Variants in ANXA8 observed in about 807,000 individuals in gnomAD.
ANXA8 encodes VAC-beta.
In ANXA8, 9 loss-of-function variants were observed where a neutral mutation model predicts 26.8. The observed-to-expected ratio is 0.34, with a 90% confidence interval of 0.20 to 0.59. The LOEUF (loss-of-function observed/expected upper bound fraction) is 0.59, where lower values mean the gene tolerates loss of function less well. Ranked by LOEUF, ANXA8 falls within the 20% of genes least tolerant of loss-of-function variation. The pLI is 0.84. For synonymous variants in ANXA8, 39 were observed against 94.8 expected (o/e 0.41, Z 3.42); for missense variants, 83 against 238.5 (o/e 0.35, Z 4.29).
the ANXA8 span, among the ~76,000 whole-genome samples, chr10:47,533,185 T>TCACACACA: frequency 3.3e-3 from 342 of 102,404 alleles, 7 homozygotes; most frequent in East Asian, 0.015. Context: ...TAAACACACA[T>TCACACACA]CACACACACA....
chr10:47,989,685 A>G, the ANXA8 span, among the ~76,000 whole-genome samples: 1 of 92,906 alleles, frequency 1.1e-5, no homozygotes, highest in Non-Finnish European at 2.6e-5. Flanking sequence ...CTGTGACTAC[A>G]TCTATTAATA....
At chr10:47,724,633 T>C in the ANXA8 span, among the ~76,000 whole-genome samples, 1 of 141,632 alleles carries the variant, frequency 7.1e-6, no homozygotes, top group African/African-American at 2.6e-5. Context: ...GTGTGCTTAC[T>C]GTAATTTGTA....
At chr10:47,949,162 A>C in the ANXA8 span, among the ~76,000 whole-genome samples, 8 of 94,238 alleles carry the variant, frequency 8.5e-5, no homozygotes, top group Non-Finnish European at 1.2e-4. Context: ...CATATGTACA[A>C]AATTATATAT....
At chr10:47,953,155 GAAA>G in the ANXA8 span, among the ~76,000 whole-genome samples, 1 of 149,574 alleles carries the variant, frequency 6.7e-6, no homozygotes, top group Non-Finnish European at 1.5e-5. Flanking sequence ...ACACCATGAA[GAAA>G]ATGAAAGGGC....
the ANXA8 span, chr10:47,985,831 T>A: frequency 6.7e-6 from 1 of 150,276 alleles, no homozygotes; most frequent in Non-Finnish European, 1.5e-5. Flanking sequence ...ATAAATGGAA[T>A]CATACAATGT....
chr10:47,952,723 C>G, the ANXA8 span, among the ~76,000 whole-genome samples: 1 of 147,514 alleles, frequency 6.8e-6, no homozygotes, highest in Non-Finnish European at 1.5e-5. Context: ...GAGGACTTAT[C>G]TACTTTATTT....
At chr10:47,574,730 ATGTT>A in the ANXA8 span, among the ~76,000 whole-genome samples, 4 of 64,356 alleles carry the variant, frequency 6.2e-5, no homozygotes, top group Admixed American at 3.6e-4. Context: ...TATTTTTACT[ATGTT>A]TGAGAGGAGT....
chr10:47,649,676 G>A, the ANXA8 span, among the ~76,000 whole-genome samples: 22 of 150,318 alleles, frequency 1.5e-4, no homozygotes, highest in Non-Finnish European at 4.4e-5. Context: ...CAACGTGCTG[G>A]GATTACAGGC....
the ANXA8 span, among the ~76,000 whole-genome samples, chr10:47,549,068 T>G: frequency 7.1e-6 from 1 of 140,812 alleles, no homozygotes; most frequent in African/African-American, 2.6e-5. Flanking sequence ...ATCCTGTGAT[T>G]TGCTTTTAGA....
the ANXA8 span, among the ~76,000 whole-genome samples, chr10:47,533,394 G>A: frequency 6.6e-6 from 1 of 151,710 alleles, no homozygotes; most frequent in Non-Finnish European, 1.5e-5. Context: ...CCATCACCCT[G>A]TGATGTGGGA....
the ANXA8 span, chr10:47,565,110 C>T: frequency 5.3e-6 from 4 of 753,748 alleles, no homozygotes; most frequent in African/African-American, 6.9e-5. Flanking sequence ...CCGTCCATCT[C>T]GCCCAACTTC....
chr10:47,671,501 A>G, the ANXA8 span, among the ~76,000 whole-genome samples: 49 of 152,130 alleles, frequency 3.2e-4, no homozygotes, highest in African/African-American at 1.2e-3. Context: ...ATCCTATCTA[A>G]TATTTGAGAT....
At chr10:47,593,723 G>A in the ANXA8 span, among the ~76,000 whole-genome samples, 2 of 148,890 alleles carry the variant, frequency 1.3e-5, no homozygotes, top group Non-Finnish European at 2.9e-5. Flanking sequence ...TACTTTCAAA[G>A]AGAATAAAAA....
the ANXA8 span, among the ~76,000 whole-genome samples, chr10:47,974,682 A>C: frequency 6.8e-6 from 1 of 146,546 alleles, no homozygotes; most frequent in African/African-American, 2.5e-5. Context: ...AAGTTGTTTA[A>C]TATCCATGTA....
chr10:47,526,526 T>C, the ANXA8 span, among the ~76,000 whole-genome samples: 1 of 131,768 alleles, frequency 7.6e-6, no homozygotes, highest in Non-Finnish European at 1.5e-5. Flanking sequence ...TTTAGGCAGA[T>C]ACACAAACAA....
the ANXA8 span, among the ~76,000 whole-genome samples, chr10:47,595,946 A>G: frequency 6.7e-6 from 1 of 148,924 alleles, no homozygotes; most frequent in Non-Finnish European, 1.5e-5. Context: ...CTACCCAACA[A>G]CCACAATATA....
the ANXA8 span, among the ~76,000 whole-genome samples, chr10:47,939,073 T>C: frequency 1.4e-5 from 2 of 145,502 alleles, 1 homozygote; most frequent in Non-Finnish European, 3.0e-5. Context: ...TTCTCTTTGC[T>C]TCTCAGCTGA....
chr10:47,648,530 T>C, the ANXA8 span, among the ~76,000 whole-genome samples: 1 of 140,712 alleles, frequency 7.1e-6, no homozygotes, highest in Non-Finnish European at 1.5e-5. Flanking sequence ...ATGGACCTAA[T>C]CATCATGGGC....
the ANXA8 span, among the ~76,000 whole-genome samples, chr10:47,938,943 G>A: frequency 4.2e-5 from 6 of 142,104 alleles, no homozygotes; most frequent in East Asian, 4.7e-4. Flanking sequence ...AAACTGCAGC[G>A]AAGGCCCCCA....
Sources: gnomAD v4.1 joint callset for allele counts (sites outside exome capture counted in the v4.1 genomes callset) on GRCh38, gnomAD v4.1.1 for gene constraint, MANE v1.5 for transcripts, NCBI Gene and HGNC (gene_info 2026-07-23, HGNC 2026-07-21) for gene names.